Variants in CDH11 observed in about 807,000 individuals in gnomAD.
CDH11 encodes cadherin-11.
CDH11 carries 11 observed loss-of-function variants against 67.8 expected under a neutral mutation model. That is an observed-to-expected ratio of 0.16 (90% CI 0.10 to 0.27). CDH11 has a LOEUF of 0.27. Among genes scored for constraint, CDH11 ranks in the 10% least tolerant of loss-of-function variants. The pLI is 1.00. For missense variants in CDH11, 847 were observed against 1,031.2 expected (o/e 0.82, Z 2.45); for synonymous variants, 419 against 400.0 (o/e 1.05, Z -0.57).
Position 64,991,918 on chromosome 16 carries a change from G to A in CDH11, c.661C>T (p.Leu221=). The A allele has an allele frequency of 6.2e-7, 1 of 1,611,438 alleles. No individual in the cohort carries two copies. The highest frequency in any genetic ancestry group is 8.5e-7 in the Non-Finnish European group (1 of 1,177,912). The change falls in exon 6 of 13, where the codon CTA becomes TTA. Residue 221 remains leucine (L), a synonymous_variant. Coordinates refer to ENST00000268603, the MANE Select transcript of CDH11 (RefSeq NM_001797.4). ...TTGGCCTCCCTGTCCATGTTGGGTA[G>A]GGCTGTTCTGATGATACCTGGACAG... ...EAQTGIIRTA[L]PNMDREAKEE...
intron 11 of CDH11, among the ~76,000 whole-genome samples, chr16:64,960,802 T>C (rs2071652324): frequency 6.6e-6 from 1 of 151,906 alleles, no homozygotes; most frequent in Non-Finnish European, 1.5e-5. Context: ...GTTAAATACA[T>C]AGGAAATGGA....
At chr16:64,973,737 C>T (rs971079646) in intron 8 of CDH11, among the ~76,000 whole-genome samples, 10 of 151,786 alleles carry the variant, frequency 6.6e-5, no homozygotes, top group African/African-American at 1.5e-4. Flanking sequence ...ATCCGGGAAG[C>T]GGAGGCTGCA....
intron 3 of CDH11, among the ~76,000 whole-genome samples, chr16:64,999,619 T>C (rs1252933138): frequency 6.6e-6 from 1 of 152,136 alleles, no homozygotes; most frequent in African/African-American, 2.4e-5. Flanking sequence ...CTGCAGCCTC[T>C]GCCTCCCATG....
At position 64,946,073 on chromosome 16, in the gene CDH11, G is replaced by T. The variant is rs1520238; in HGVS notation, c.*1530C>A. ...TGTAGACACACTCCTGGACCAAATGGCATCGACTCTCAGAATCCAAAATGG... is the reference window on the plus strand; with the variant it reads ...TGTAGACACACTCCTGGACCAAATGTCATCGACTCTCAGAATCCAAAATGG... On this transcript the variant is annotated 3_prime_UTR_variant, in exon 13 of 13. Transcript: ENST00000268603. 202,480 of 1,057,554 alleles carry T rather than the reference G, an allele frequency of 0.19. 20,598 individuals are homozygous for T. Among genetic ancestry groups the T allele is most frequent in the East Asian group, 0.42 (8,001 of 19,114 alleles). The allele number at this position is 1,057,554 out of a possible 1,614,324, so 65.5% of individuals were successfully genotyped here.
At position 64,993,038 on chromosome 16, in the gene CDH11, A is replaced by C. The variant is rs1179450969; in HGVS notation, c.524-4T>G. ...GTCACCTGGATTACTGACGTTCCTT[A>C]AAAGTGAAATAAATTAATTAGCAAC... On this transcript the variant is annotated splice_region_variant and splice_polypyrimidine_tract_variant and intron_variant, in intron 4 of 12. Coordinates refer to ENST00000268603, the MANE Select transcript of CDH11 (RefSeq NM_001797.4). 6.2e-7 allele frequency: 1 copy of C among 1,608,684 alleles called. No individual in the cohort carries two copies. The highest frequency in any genetic ancestry group is 1.1e-5 in the South Asian group (1 of 90,830).
intron 2 of CDH11, among the ~76,000 whole-genome samples, chr16:65,049,314 A>T (rs34553411): frequency 6.6e-6 from 1 of 151,944 alleles, no homozygotes; most frequent in African/African-American, 2.4e-5. Context: ...TCAAGGTACA[A>T]AAGAATTGGA....
At chr16:64,987,472 T>C (rs1454322114) in intron 7 of CDH11, 1 of 152,238 alleles carries the variant, frequency 6.6e-6, no homozygotes, top group Non-Finnish European at 1.5e-5. Flanking sequence ...TTTTGTTTGT[T>C]TTTGTGAAAA....
At chr16:65,038,840 C>T (rs908788761) in intron 2 of CDH11, among the ~76,000 whole-genome samples, 8 of 152,348 alleles carry the variant, frequency 5.3e-5, no homozygotes, top group Admixed American at 3.3e-4. Context: ...GCTCCATTCC[C>T]TTGTTTCCTA....
At chr16:65,062,199 G>A (rs2074244516) in intron 1 of CDH11, among the ~76,000 whole-genome samples, 1 of 152,202 alleles carries the variant, frequency 6.6e-6, no homozygotes, top group Non-Finnish European at 1.5e-5. Flanking sequence ...GAGAACCCAT[G>A]CATGTAATAA....
At position 65,121,863 on chromosome 16, in the gene CDH11, C is replaced by G; in HGVS notation, c.-298+17G>C. On this transcript the variant is annotated intron_variant, in intron 1 of 12. Transcript: ENST00000268603. The surrounding 1 kb of genome is among the most constrained non-coding windows in gnomAD (Gnocchi z 4.1). ...GCCCCAACCAGGCGAGAGGAAGGGA[C>G]TGGCGGCGCACCTCACCTGGGGCCC... 2 of 701,972 alleles carry G rather than the reference C, an allele frequency of 2.8e-6. No homozygotes were observed. Among genetic ancestry groups the G allele is most frequent in the Non-Finnish European group, 5.2e-6 (2 of 384,628 alleles). The allele number at this position is 701,972 out of a possible 1,614,324, so 43.5% of individuals were successfully genotyped here.
chr16:64,961,527 A>T (rs1247108018), intron 11 of CDH11, among the ~76,000 whole-genome samples: 1 of 152,130 alleles, frequency 6.6e-6, no homozygotes. Context: ...TTATCTCTCA[A>T]ATTGGCAGCT....
At chr16:64,948,871 C>G in intron 12 of CDH11, 1 of 956,834 alleles carries the variant, frequency 1.0e-6, no homozygotes, top group East Asian at 2.6e-5. Context: ...CCCCAAGAGG[C>G]TTCTACAATA....
At chr16:65,063,352 A>C (rs936702840) in intron 1 of CDH11, among the ~76,000 whole-genome samples, 7 of 152,228 alleles carry the variant, frequency 4.6e-5, no homozygotes, top group African/African-American at 1.7e-4. Context: ...AAACAAACAA[A>C]CGAACAAAAA....
intron 11 of CDH11, among the ~76,000 whole-genome samples, chr16:64,956,013 T>G (rs2071499727): frequency 6.6e-6 from 1 of 152,172 alleles, no homozygotes; most frequent in Non-Finnish European, 1.5e-5. Context: ...AAGTGTCAGA[T>G]TGGCTCCAGG....
chr16:65,011,097 T>TTTA (rs2073174440), intron 2 of CDH11, among the ~76,000 whole-genome samples: 1 of 114,868 alleles, frequency 8.7e-6, no homozygotes, highest in African/African-American at 3.0e-5. Flanking sequence ...CACATATTTT[T>TTTA]TATATATATA....
intron 1 of CDH11, among the ~76,000 whole-genome samples, chr16:65,105,650 G>A (rs2075055148): frequency 6.6e-6 from 1 of 152,190 alleles, no homozygotes; most frequent in Admixed American, 6.5e-5. Flanking sequence ...ATGCAACAAT[G>A]CAGGTAGAGT....
At chr16:65,023,133 A>T (rs890615166) in intron 2 of CDH11, among the ~76,000 whole-genome samples, 5 of 152,224 alleles carry the variant, frequency 3.3e-5, no homozygotes, top group Non-Finnish European at 7.4e-5. Context: ...GGACTTGGCC[A>T]GCCAGGTGTG....
At chr16:64,965,754 T>C (rs2071803880) in intron 11 of CDH11, among the ~76,000 whole-genome samples, 1 of 149,500 alleles carries the variant, frequency 6.7e-6, no homozygotes, top group Admixed American at 6.7e-5. Context: ...TCCAAGACAT[T>C]GTTATGCGGT....
intron 2 of CDH11, among the ~76,000 whole-genome samples, chr16:65,046,297 G>C (rs554423084): frequency 8.2e-4 from 125 of 152,316 alleles, no homozygotes; most frequent in Middle Eastern, 6.8e-3. Context: ...GGACCACAGG[G>C]CCCGGAAGGC....
Sources: gnomAD v4.1 joint callset for allele counts (sites outside exome capture counted in the v4.1 genomes callset) on GRCh38, gnomAD v4.1.1 for gene constraint, Gnocchi (gnomAD v3.1) non-coding constraint, MANE v1.5 for transcripts, NCBI Gene and HGNC (gene_info 2026-07-23, HGNC 2026-07-21) for gene names.